CDKN2A: variants seen among roughly 807,000 people sequenced by gnomAD.
The protein encoded by CDKN2A is cyclin-dependent kinase inhibitor 2A.
Under a neutral mutation model 11.1 loss-of-function variants are expected in CDKN2A, and 3 were observed. The observed-to-expected ratio is 0.27, with a 90% CI of 0.12 to 0.70. CDKN2A has a LOEUF of 0.70. CDKN2A is among the 30% of genes least tolerant of loss of function. The probability of loss-of-function intolerance (pLI) is 0.77; values close to 1 mark genes in which losing one functional copy is unlikely to be tolerated. For missense variants in CDKN2A, 265 were observed against 233.6 expected, an observed-to-expected ratio of 1.13 and a Z score of -0.88; for synonymous variants, 122 against 108.1, an observed-to-expected ratio of 1.13 and a Z score of -0.80.
At chr9:21,978,376 C>A (rs1035774149), upstream of CDKN2A, among the ~76,000 whole-genome samples, 1 of 152,162 alleles carries the variant, frequency 6.6e-6, no homozygotes, top group Middle Eastern at 3.4e-3. Context: ...TCATACATAT[C>A]GACCTGAGGT....
At chr9:21,970,109 G>A in intron 2 of CDKN2A, 1 of 272,176 alleles carries the variant, frequency 3.7e-6, no homozygotes, top group Non-Finnish European at 6.9e-6. Context: ...AGAAACAATT[G>A]AGTAATGTTG....
At position 21,970,795 on chromosome 9, in the gene CDKN2A, G is replaced by C. The variant is rs779275172; in HGVS notation, c.457+107C>G. 6.4e-5 allele frequency: 89 copies of C among 1,389,804 alleles called. 1 individual carries two copies. Among genetic ancestry groups the C allele is most frequent in the Non-Finnish European group, 8.3e-5 (83 of 1,006,012 alleles). 86.1% of individuals were successfully genotyped at this position (1,389,804 alleles called of 1,614,324 possible). The stretch of plus-strand genomic sequence containing the variant: ...CCCACCGATTGGCGCGTGAGCTGAG[G>C]CAAGACCGGAGACTGGTCTCCCGGG... On this transcript the variant is annotated intron_variant, in intron 2 of 2. Transcript: ENST00000304494.
Position 21,968,216 on chromosome 9 carries a change from C to T in CDKN2A, c.*13G>A, listed in dbSNP as rs374668781. On this transcript the variant is annotated 3_prime_UTR_variant, in exon 3 of 3. Coordinates refer to ENST00000304494, the MANE Select transcript of CDKN2A (RefSeq NM_000077.5). This position sits in a 1 kb window ranked among gnomAD's most constrained non-coding sequence, Gnocchi z 4.7. Reference sequence around the variant, plus strand: ...TAAGTTTCCCGAGGTTTCTCAGAGCCTCTCTGGTTCTTTCAATCGGGGATG... The same window carrying T: ...TAAGTTTCCCGAGGTTTCTCAGAGCTTCTCTGGTTCTTTCAATCGGGGATG... The T allele has an allele frequency of 6.2e-7, 1 of 1,613,690 alleles. No homozygotes were observed.
upstream of CDKN2A, among the ~76,000 whole-genome samples, chr9:21,979,111 T>C (rs1021646454): frequency 1.3e-5 from 2 of 152,128 alleles, no homozygotes; most frequent in Admixed American, 6.5e-5. Context: ...TGAAGAATGA[T>C]GTGAGAGTTT....
At chr9:21,974,902 T>C (rs1819974510), upstream of CDKN2A, 1 of 1,446,862 alleles carries the variant, frequency 6.9e-7, no homozygotes, top group Non-Finnish European at 9.0e-7. This position sits in a 1 kb window ranked among gnomAD's most constrained non-coding sequence, Gnocchi z 5.2. Flanking sequence ...CCCCACCCTC[T>C]GGTGACCAGC....
intron 2 of CDKN2A, among the ~76,000 whole-genome samples, chr9:21,985,459 A>C (rs1820278545): frequency 6.6e-6 from 1 of 152,018 alleles, no homozygotes; most frequent in African/African-American, 2.4e-5. Flanking sequence ...ACACACACAC[A>C]TAATTTTTTA....
upstream of CDKN2A, among the ~76,000 whole-genome samples, chr9:21,977,366 T>A (rs1224539007): frequency 1.3e-5 from 2 of 152,180 alleles, no homozygotes; most frequent in Non-Finnish European, 2.9e-5. Context: ...TTGTTTTGTG[T>A]GTTTTTTTGA....
In CDKN2A at chr9:21,971,215, G is replaced by A. The variant is rs1482685317; in HGVS notation, c.151-7C>T. The A allele has an allele frequency of 6.3e-7, 1 of 1,596,718 alleles. No homozygotes were observed. Among genetic ancestry groups the A allele is most frequent in the African/African-American group, 1.3e-5 (1 of 74,836 alleles). Reference sequence around the variant, plus strand: ...CGCTGCCCATCATCATGACCTGCCAGAGAGAACAGAATGGTCAGAGCCAGG... The same window carrying A: ...CGCTGCCCATCATCATGACCTGCCAAAGAGAACAGAATGGTCAGAGCCAGG... On this transcript the variant is annotated splice_region_variant and splice_polypyrimidine_tract_variant and intron_variant, in intron 1 of 2. Coordinates refer to ENST00000304494, the MANE Select transcript of CDKN2A (RefSeq NM_000077.5).
rs1272195798 is a variant in CDKN2A, at chr9:21,995,195, G to T, written c.-550C>A. On this transcript the variant is annotated 5_prime_UTR_variant, in exon 1 of 4. Coordinates refer to the CDKN2A transcript ENST00000494262. The surrounding 1 kb of genome is among the most constrained non-coding windows in gnomAD (Gnocchi z 5.7). ...AGTCGCACCCGGGGGTCCCAGCTGG[G>T]TCCGGGCGCCCATTCCCCTCCCAGC... The T allele has an allele frequency of 6.6e-6, 1 of 152,222 alleles. No individual in the cohort carries two copies. The highest frequency in any genetic ancestry group is 2.4e-5 in the African/African-American group (1 of 41,474). 9.4% of individuals were successfully genotyped at this position (152,222 alleles called of 1,614,324 possible).
At chr9:21,979,229 A>C (rs1037300939), upstream of CDKN2A, among the ~76,000 whole-genome samples, 2 of 152,212 alleles carry the variant, frequency 1.3e-5, no homozygotes, top group African/African-American at 4.8e-5. Context: ...TATTCCTGAA[A>C]ACCAGCCTGT....
chr9:21,982,098 C>T (rs79428054), intron 2 of CDKN2A, among the ~76,000 whole-genome samples: 3 of 152,234 alleles, frequency 2.0e-5, no homozygotes, highest in Non-Finnish European at 4.4e-5. Flanking sequence ...TGCCAACTTC[C>T]CTCATTCAGA....
At chr9:21,981,814 C>T (rs150011010) in intron 2 of CDKN2A, among the ~76,000 whole-genome samples, 1 of 152,096 alleles carries the variant, frequency 6.6e-6, no homozygotes, top group Non-Finnish European at 1.5e-5. Flanking sequence ...GAAAGAAACA[C>T]TTTCTTAGGT....
intron 2 of CDKN2A, chr9:21,992,012 T>C: frequency 2.0e-6 from 2 of 984,598 alleles, no homozygotes; most frequent in Non-Finnish European, 2.4e-6. Flanking sequence ...AAGGTAGAAG[T>C]AACAAATCAA....
Position 21,991,809 on chromosome 9 carries a change from G to C in CDKN2A, c.-4+2073C>G. On this transcript the variant is annotated intron_variant, in intron 2 of 3. Transcript: ENST00000494262. The surrounding 1 kb of genome is among the most constrained non-coding windows in gnomAD (Gnocchi z 5.2). ...AGTCTTGATTTCTGAAAGGGCTATGGTTCACTTGGAACACAATACAAACTG... is the reference window on the plus strand; with the variant it reads ...AGTCTTGATTTCTGAAAGGGCTATGCTTCACTTGGAACACAATACAAACTG... The C allele has an allele frequency of 1.0e-6, 1 of 985,102 alleles. No individual in the cohort carries two copies. The highest frequency in any genetic ancestry group is 4.7e-5 in the South Asian group (1 of 21,278). The allele number at this position is 985,102 out of a possible 1,614,324, so 61.0% of individuals were successfully genotyped here.
chr9:21,991,035 T>C lies in CDKN2A; in HGVS notation c.-4+2847A>G, dbSNP rs1284202638. On this transcript the variant is annotated intron_variant, in intron 2 of 3. Coordinates refer to the CDKN2A transcript ENST00000494262. This position sits in a 1 kb window ranked among gnomAD's most constrained non-coding sequence, Gnocchi z 5.2. ...TGAGAATCAGAATTCAGATAATTTG[T>C]CTTAAAAATTCATATTCAATGTAAA... 6.6e-6 allele frequency among the ~76,000 whole-genome samples: 1 copy of C among 152,224 alleles called. No homozygotes were observed.
upstream of CDKN2A, chr9:21,975,062 A>C (rs1819982910): frequency 7.5e-7 from 1 of 1,335,694 alleles, no homozygotes; most frequent in Admixed American, 3.9e-5. Context: ...CCGAGCACTT[A>C]GCGAATGTGG....
At chr9:21,971,328 C>T in intron 1 of CDKN2A, 120 bp from the exon 2 acceptor site, 2 of 1,519,248 alleles carry the variant, frequency 1.3e-6, no homozygotes, top group Non-Finnish European at 1.8e-6. Context: ...TGTCTAATTA[C>T]CCCTACATTT....
At chr9:21,975,019 G>A (rs979179472), upstream of CDKN2A, 7 of 1,380,604 alleles carry the variant, frequency 5.1e-6, no homozygotes, top group African/African-American at 1.1e-4. Context: ...AGGGGACGCC[G>A]TGAGCGAGTG....
chr9:21,975,340 G>A (rs1245611162), upstream of CDKN2A, among the ~76,000 whole-genome samples: 1 of 152,066 alleles, frequency 6.6e-6, no homozygotes, highest in Non-Finnish European at 1.5e-5. Flanking sequence ...ATTGAATCGG[G>A]GTGTTTGGTG....
Sources: allele counts gnomAD v4.1 joint callset (sites outside exome capture counted in the v4.1 genomes callset), GRCh38; gene constraint gnomAD v4.1.1; non-coding constraint Gnocchi (gnomAD v3.1); transcripts MANE v1.5; gene names NCBI Gene and HGNC (gene_info 2026-07-23, HGNC 2026-07-21).